Variants in SYCP1 observed in about 807,000 individuals in gnomAD.
SYCP1 encodes synaptonemal complex protein 1.
SYCP1 carries 64 observed loss-of-function variants against 153.1 expected under a neutral mutation model. The ratio of observed to expected loss-of-function variants is 0.42; its 90% CI spans 0.34 to 0.51. The LOEUF is 0.51. SYCP1 is among the 20% of genes least tolerant of loss of function. The probability of loss-of-function intolerance (pLI) is 0.06; values close to 1 mark genes in which losing one functional copy is unlikely to be tolerated. For missense variants in SYCP1, 997 were observed against 1,049.0 expected (o/e 0.95, Z 0.68); for synonymous variants, 384 against 341.8 (o/e 1.12, Z -1.36).
intron 27 of SYCP1, among the ~76,000 whole-genome samples, chr1:114,956,492 G>A (rs1010030407): frequency 6.6e-6 from 1 of 152,116 alleles, no homozygotes; most frequent in Non-Finnish European, 1.5e-5. Flanking sequence ...ACCAAGATTA[G>A]GCTCTTCAGC....
At chr1:114,875,567 GTCTTC>G (rs1282385480) in intron 9 of SYCP1, among the ~76,000 whole-genome samples, 1 of 152,060 alleles carries the variant, frequency 6.6e-6, no homozygotes, top group African/African-American at 2.4e-5. Flanking sequence ...CCGAGACTTT[GTCTTC>G]TATTCCTATT....
At chr1:114,919,649 G>C (rs1668732470) in intron 20 of SYCP1, among the ~76,000 whole-genome samples, 1 of 151,994 alleles carries the variant, frequency 6.6e-6, no homozygotes, top group South Asian at 2.1e-4. Context: ...TTTGCTGGAA[G>C]ACTTTTTATT....
chr1:114,958,851 A>C (rs1260689158), intron 27 of SYCP1, among the ~76,000 whole-genome samples: 1 of 149,306 alleles, frequency 6.7e-6, no homozygotes, highest in African/African-American at 2.5e-5. Context: ...AATGGCATGA[A>C]CCTGGGAGGT....
chr1:114,954,547 T>TTTTATTTA (rs4045000), intron 27 of SYCP1, among the ~76,000 whole-genome samples: 3,853 of 148,362 alleles, frequency 0.026, 79 homozygotes, highest in African/African-American at 0.064. Context: ...TCAGTATGCT[T>TTTTATTTA]TTTATTTATT....
chr1:114,959,085 A>G (rs970367223), intron 27 of SYCP1, among the ~76,000 whole-genome samples: 2 of 152,232 alleles, frequency 1.3e-5, no homozygotes, highest in Admixed American at 6.5e-5. Flanking sequence ...AATTCAGTGT[A>G]TCTAGATGCC....
chr1:114,894,925 T>C (rs1666957914), intron 15 of SYCP1, among the ~76,000 whole-genome samples: 1 of 152,118 alleles, frequency 6.6e-6, no homozygotes, highest in African/African-American at 2.4e-5. Flanking sequence ...GGTCAGATAT[T>C]GTTTTATAAT....
chr1:114,890,742 A>G (rs1666653802), intron 15 of SYCP1, among the ~76,000 whole-genome samples: 1 of 152,108 alleles, frequency 6.6e-6, no homozygotes, highest in Non-Finnish European at 1.5e-5. Context: ...ATTCTGTACT[A>G]TTTATTCTCC....
intron 23 of SYCP1, among the ~76,000 whole-genome samples, chr1:114,940,590 T>C (rs1232949057): frequency 1.3e-5 from 2 of 152,232 alleles, no homozygotes; most frequent in African/African-American, 4.8e-5. Context: ...GTTGTGTTTT[T>C]GTTACTGATT....
At chr1:114,863,268 T>C (rs1231647719) in intron 8 of SYCP1, among the ~76,000 whole-genome samples, 3 of 116,782 alleles carry the variant, frequency 2.6e-5, no homozygotes, top group Admixed American at 2.4e-4. Flanking sequence ...GTAAAAGTGT[T>C]CCTAGGCCAG....
intron 16 of SYCP1, among the ~76,000 whole-genome samples, chr1:114,898,419 TC>T: frequency 6.6e-6 from 1 of 152,172 alleles, no homozygotes; most frequent in African/African-American, 2.4e-5. Flanking sequence ...CCTTATTTAT[TC>T]CCATCATCTG....
intron 21 of SYCP1, 94 bp from the exon 22 acceptor site, chr1:114,926,184 A>G (rs1173441066): frequency 1.0e-6 from 1 of 958,446 alleles, no homozygotes; most frequent in African/African-American, 1.7e-5. Flanking sequence ...AGTGACCTTT[A>G]TCAGTACTTT....
intron 27 of SYCP1, among the ~76,000 whole-genome samples, chr1:114,962,098 C>T (rs192696225): frequency 2.0e-5 from 3 of 151,840 alleles, no homozygotes; most frequent in East Asian, 1.9e-4. Flanking sequence ...CTGCATCAGC[C>T]GCCTGAGTAG....
At chr1:114,975,941 A>T (rs1260721518) in intron 27 of SYCP1, among the ~76,000 whole-genome samples, 1 of 151,770 alleles carries the variant, frequency 6.6e-6, no homozygotes, top group African/African-American at 2.4e-5. Flanking sequence ...ATATTCTTAG[A>T]ATCTAAAAAA....
chr1:114,875,582 T>C (rs187853479), intron 9 of SYCP1, among the ~76,000 whole-genome samples: 11 of 152,276 alleles, frequency 7.2e-5, no homozygotes, highest in Admixed American at 1.3e-4. Flanking sequence ...CTATTCCTAT[T>C]ACCTAAAACA....
chr1:114,966,845 T>C (rs1453331087), intron 27 of SYCP1, among the ~76,000 whole-genome samples: 2 of 152,006 alleles, frequency 1.3e-5, no homozygotes, highest in Non-Finnish European at 2.9e-5. Context: ...CCAGCATACC[T>C]GGCTAATTTT....
At chr1:114,947,902 G>A (rs2101833793) in intron 27 of SYCP1, among the ~76,000 whole-genome samples, 1 of 142,674 alleles carries the variant, frequency 7.0e-6, no homozygotes, top group East Asian at 2.0e-4. Flanking sequence ...TATCCTTCTA[G>A]CATGTTTCCT....
chr1:114,938,561 A>C (rs1237781111), intron 23 of SYCP1, among the ~76,000 whole-genome samples: 1 of 152,116 alleles, frequency 6.6e-6, no homozygotes, highest in East Asian at 1.9e-4. Flanking sequence ...AAAAATAAAT[A>C]AATCAAAAAT....
intron 23 of SYCP1, among the ~76,000 whole-genome samples, chr1:114,930,706 A>G (rs1669567744): frequency 6.6e-6 from 1 of 151,964 alleles, no homozygotes; most frequent in Non-Finnish European, 1.5e-5. Flanking sequence ...AGTCTTCCAC[A>G]AAAAATAGAA....
At chr1:114,914,125 T>A in intron 20 of SYCP1, 80 bp downstream of exon 20, 1 of 1,031,054 alleles carries the variant, frequency 9.7e-7, no homozygotes, top group Non-Finnish European at 1.4e-6. Context: ...ATCATTAATT[T>A]AAATTGGACT....
Sources: gnomAD v4.1 joint callset for allele counts (sites outside exome capture counted in the v4.1 genomes callset) on GRCh38, gnomAD v4.1.1 for gene constraint, MANE v1.5 for transcripts, NCBI Gene and HGNC (gene_info 2026-07-23, HGNC 2026-07-21) for gene names.